ZNF813: variants seen among roughly 807,000 people sequenced by gnomAD.
The protein encoded by ZNF813 is zinc finger protein 813.
In ZNF813, 3 loss-of-function variants were observed where a neutral mutation model predicts 7.2. The observed-to-expected ratio is 0.42, with a 90% CI of 0.19 to 1.08. The LOEUF (loss-of-function observed/expected upper bound fraction) is 1.08, where lower values mean the gene tolerates loss of function less well. ZNF813 is among the 50% of genes least tolerant of loss of function. The pLI, the probability that ZNF813 is intolerant of heterozygous loss-of-function variation, is 0.30. For missense variants in ZNF813, 714 were observed against 753.3 expected, an observed-to-expected ratio of 0.95 and a Z score of 0.61; for synonymous variants, 227 against 256.3, an observed-to-expected ratio of 0.89 and a Z score of 1.09.
At chr19:53,486,575 C>T in intron 2 of ZNF813, 57 bp from the exon 3 acceptor site, 1 of 1,613,036 alleles carries the variant, frequency 6.2e-7, no homozygotes, top group South Asian at 1.1e-5. Context: ...TTCTCATTTT[C>T]TGTGAAGATA....
chr19:53,476,166 GAT>G (rs1484473501), intron 1 of ZNF813, among the ~76,000 whole-genome samples: 2 of 152,066 alleles, frequency 1.3e-5, no homozygotes, highest in African/African-American at 4.8e-5. Context: ...TTGCTTTTTT[GAT>G]ATTTTGTAAC....
chr19:53,490,453 T>G lies in ZNF813; in HGVS notation c.221T>G (p.Leu74Trp). The G allele has an allele frequency of 6.2e-7, 1 of 1,614,136 alleles. No individual in the cohort carries two copies. The highest frequency in any genetic ancestry group is 1.1e-5 in the South Asian group (1 of 91,074). The change falls in exon 4 of 4, where the codon TTG (leucine) becomes TGG (tryptophan). Residue 74 changes from leucine to tryptophan, a missense_variant. Leu to Trp is a moderately conservative substitution (Grantham distance 61). Transcript: ENST00000396403. ...AGAGAAGTGATCCACACAGGGACAT[T>G]GCAAAGACATGAAAGTCATCACACT... ...GNREVIHTGT[L>W]QRHESHHTGD...
intron 1 of ZNF813, among the ~76,000 whole-genome samples, chr19:53,477,278 C>T (rs1303987836): frequency 6.6e-6 from 1 of 152,078 alleles, no homozygotes; most frequent in African/African-American, 2.4e-5. Context: ...AGGCGACTAG[C>T]ATTGGACTAA....
intron 1 of ZNF813, among the ~76,000 whole-genome samples, chr19:53,473,829 C>T (rs187210469): frequency 2.0e-4 from 30 of 152,204 alleles, no homozygotes; most frequent in Non-Finnish European, 3.1e-4. Context: ...GCCGACTGAA[C>T]GAACTCTCAT....
In ZNF813 at chr19:53,491,423, C is replaced by T. The variant is rs1253149520; in HGVS notation, c.1191C>T (p.Thr397=). Residue 397 remains threonine (T), a synonymous_variant, in exon 4 of 4, where the codon ACC becomes ACT. Transcript: ENST00000396403. ...ECGKTFSQEL[T]LKCHRRLHTG... ...GCAAGACCTTCAGTCAGGAGTTAAC[C>T]CTTAAATGCCATCGTAGACTTCATA... The T allele has an allele frequency of 6.2e-7, 1 of 1,613,932 alleles. No homozygotes were observed. The highest frequency in any genetic ancestry group is 1.3e-5 in the African/African-American group (1 of 74,900).
At chr19:53,484,003 T>C (rs2086421414) in intron 2 of ZNF813, among the ~76,000 whole-genome samples, 166 bp downstream of exon 2, 1 of 152,096 alleles carries the variant, frequency 6.6e-6, no homozygotes, top group Non-Finnish European at 1.5e-5. Context: ...TTCCATCTCT[T>C]GTGACCGAGT....
chr19:53,470,164 T>TTTTC (rs2086350800), intron 1 of ZNF813, among the ~76,000 whole-genome samples: 2 of 145,650 alleles, frequency 1.4e-5, no homozygotes, highest in African/African-American at 2.5e-5. Context: ...TTTCTTTTTC[T>TTTTC]TTTCTTTTCT....
chr19:53,470,881 G>A (rs1018219223), intron 1 of ZNF813, among the ~76,000 whole-genome samples: 3 of 151,988 alleles, frequency 2.0e-5, no homozygotes, highest in Non-Finnish European at 4.4e-5. Flanking sequence ...TCTCATTTTT[G>A]TGGCTTGCTG....
intron 2 of ZNF813, among the ~76,000 whole-genome samples, chr19:53,485,821 C>T (rs990809190): frequency 8.5e-5 from 13 of 152,130 alleles, no homozygotes; most frequent in Non-Finnish European, 1.9e-4. Context: ...CATCCTCCTA[C>T]CACAAGCTCC....
chr19:53,478,904 T>G (rs1248864674), intron 1 of ZNF813, among the ~76,000 whole-genome samples: 1 of 150,174 alleles, frequency 6.7e-6, no homozygotes, highest in Non-Finnish European at 1.5e-5. Context: ...TTTTTTTTTT[T>G]CAGTTTGAGA....
chr19:53,488,523 C>T (rs1269138550), intron 3 of ZNF813, among the ~76,000 whole-genome samples: 1 of 151,602 alleles, frequency 6.6e-6, no homozygotes, highest in Non-Finnish European at 1.5e-5. Context: ...ATTTTCCTGC[C>T]TCAGTCCCCC....
chr19:53,491,128 A>G lies in ZNF813; in HGVS notation c.896A>G (p.Tyr299Cys), dbSNP rs2147163828. 1 of 1,613,500 alleles carries G rather than the reference A, an allele frequency of 6.2e-7. No individual in the cohort carries two copies. The highest frequency in any genetic ancestry group is 8.5e-7 in the Non-Finnish European group (1 of 1,179,804). Residue 299 changes from tyrosine to cysteine, a missense_variant, in exon 4 of 4, where the codon TAC (tyrosine) becomes TGC (cysteine). Transcript: ENST00000396403. ...AGACTTCATACTGGAGAGAAACCTT[A>G]CAAATGTGAAGAATGTGACAAAGCT... ...HRRLHTGEKP[Y>C]KCEECDKAFS...
rs200658542 is a variant in ZNF813 at position 53,472,607 on chromosome 19, C to CTTTTTTTTTTTTTT, written c.-74+4821_-74+4822insTTTTTTTTTTTTTT. Among the ~76,000 whole-genome samples, 47 of 136,464 alleles carry CTTTTTTTTTTTTTT rather than the reference C, an allele frequency of 3.4e-4. 3 individuals carry two copies. Among genetic ancestry groups the CTTTTTTTTTTTTTT allele is most frequent in the East Asian group, 7.3e-4 (3 of 4,128 alleles). The allele number at this position is 136,464 out of a possible 152,430, so 89.5% of individuals were successfully genotyped here. ...AGATGGTCTGATTATAAGTACAAGT[C>CTTTTTTTTTTTTTT]TTTCTTTTTTTTTTTTTTTTTTGAG... is the stretch of plus-strand genomic sequence containing the variant. On this transcript the variant is annotated intron_variant, in intron 1 of 3. Transcript: ENST00000396403.
Position 53,490,619 on chromosome 19 carries a change from G to A in ZNF813, c.387G>A (p.Arg129=). ...GTAGTGCAGACCGATATGATCAAAG[G>A]CATGCTGGAAACAAGCCTATTAAAG... ...LTGSADRYDQ[R]HAGNKPIKDQ... Residue 129 remains arginine, a synonymous_variant, in exon 4 of 4, where the codon AGG becomes AGA. Coordinates refer to ENST00000396403, the MANE Select transcript of ZNF813 (RefSeq NM_001004301.4). The A allele has an allele frequency of 6.2e-7, 1 of 1,614,112 alleles. No individual in the cohort carries two copies. Among genetic ancestry groups the A allele is most frequent in the Admixed American group, 1.7e-5 (1 of 60,024 alleles).
Position 53,492,137 on chromosome 19 carries a change from G to A in ZNF813, c.*51G>A. On this transcript the variant is annotated 3_prime_UTR_variant, in exon 4 of 4. Transcript: ENST00000396403. Reference sequence around the variant, plus strand: ...CAATTCATACTGGAAAGAAACAAGTGCAATGAGTGTGGCAAGACCTTCTGT... The same window carrying A: ...CAATTCATACTGGAAAGAAACAAGTACAATGAGTGTGGCAAGACCTTCTGT... The A allele has an allele frequency of 6.4e-7, 1 of 1,574,006 alleles. No homozygotes were observed. Among genetic ancestry groups the A allele is most frequent in the South Asian group, 1.2e-5 (1 of 86,246 alleles).
At position 53,496,121 on chromosome 19, in the gene ZNF813, C is replaced by T. The variant is rs1412901624; in HGVS notation, c.*4035C>T. ...CCATATCAAGCTGAAAATGTCACCA[C>T]TATCTGGAGTGTTGGAAATGTTTTA... On this transcript the variant is annotated 3_prime_UTR_variant, in exon 4 of 4. Coordinates refer to ENST00000396403, the MANE Select transcript of ZNF813 (RefSeq NM_001004301.4). The T allele has an allele frequency of 5.0e-5, 12 of 240,148 alleles. No homozygotes were observed. In the East Asian group the frequency reaches 1.2e-3, roughly 24 times the overall value. 14.9% of individuals were successfully genotyped at this position (240,148 alleles called of 1,614,324 possible).
chr19:53,491,374 A>G lies in ZNF813; in HGVS notation c.1142A>G (p.Lys381Arg), dbSNP rs1361999334. 4.3e-6 allele frequency: 7 copies of G among 1,613,268 alleles called. No homozygotes were observed. Among genetic ancestry groups the G allele is most frequent in the Non-Finnish European group, 5.1e-6 (6 of 1,179,416 alleles). The change falls in exon 4 of 4, where the codon AAA becomes AGA. Residue 381 changes from lysine (K) to arginine (R), a missense_variant. By Grantham distance (26) the Lys-to-Arg change is conservative. This residue lies in a region of ZNF813 where 563 missense variants were observed against 554.2 expected (regional missense o/e 1.02). Coordinates refer to ENST00000396403, the MANE Select transcript of ZNF813 (RefSeq NM_001004301.4). ...CATCATAGACTTCATACGGGAGAGAAACCTTATAAGTGTAATGAATGTGGC... is the reference window on the plus strand; with the variant it reads ...CATCATAGACTTCATACGGGAGAGAGACCTTATAAGTGTAATGAATGTGGC... Reference protein sequence around the residue: ...TCHHRLHTGEKPYKCNECGKT... With the variant: ...TCHHRLHTGERPYKCNECGKT...
chr19:53,480,190 C>T lies in ZNF813; in HGVS notation c.-73-3560C>T, dbSNP rs374618473. On this transcript the variant is annotated intron_variant, in intron 1 of 3. Transcript: ENST00000396403. ...TGACCTTTACCTGAGGGCTGATCTT[C>T]AATTGGAAGGCTGCTTTCTCCTCTC... is the stretch of plus-strand genomic sequence containing the variant. 8,167 of 745,210 alleles carry T rather than the reference C, an allele frequency of 0.011. No individual in the cohort carries two copies. In the African/African-American group the frequency reaches 0.15, roughly 13 times the overall value. The allele number at this position is 745,210 out of a possible 1,614,324, so 46.2% of individuals were successfully genotyped here.
chr19:53,473,730 T>C (rs2086370126), intron 1 of ZNF813, among the ~76,000 whole-genome samples: 1 of 152,240 alleles, frequency 6.6e-6, no homozygotes, highest in Non-Finnish European at 1.5e-5. Flanking sequence ...GCTTCTTGCA[T>C]GGCTATTATT....
Sources: allele counts gnomAD v4.1 joint callset (sites outside exome capture counted in the v4.1 genomes callset), GRCh38; gene constraint gnomAD v4.1.1; regional missense constraint gnomAD v4.1.1; transcripts MANE v1.5; gene names NCBI Gene and HGNC (gene_info 2026-07-23, HGNC 2026-07-21).